Variants in DHX57 observed in about 807,000 individuals in gnomAD.
DHX57 encodes the protein DExH-box helicase 57, also known as putative ATP-dependent RNA helicase DHX57.
DHX57 carries 105 observed loss-of-function variants against 156.2 expected under a neutral mutation model. The observed-to-expected ratio is 0.67, with a 90% CI of 0.57 to 0.79. The LOEUF is 0.79. DHX57 is among the 30% of genes least tolerant of loss of function. DHX57 has a pLI of 0.00. For missense variants in DHX57, 1,847 were observed against 1,661.9 expected, an observed-to-expected ratio of 1.11 and a Z score of -1.94; for synonymous variants, 704 against 595.6, an observed-to-expected ratio of 1.18 and a Z score of -2.65.
chr2:38,858,763 G>C lies in DHX57; in HGVS notation c.1485C>G (p.Ser495Arg). ...GPAPVIVENE[S>R]YVNLKKKISK... Reference sequence around the variant, plus strand: ...AAATCTTTTTCTTAAGGTTCACATAGCTTTCATTCTCTACTATAACAGGTG... The same window carrying C: ...AAATCTTTTTCTTAAGGTTCACATACCTTTCATTCTCTACTATAACAGGTG... Residue 495 changes from serine to arginine, a missense_variant, in exon 6 of 24, where the codon AGC becomes AGG. Ser to Arg is a moderately radical substitution (Grantham distance 110, BLOSUM62 -1). Coordinates refer to ENST00000457308, the MANE Select transcript of DHX57 (RefSeq NM_198963.3). The C allele has an allele frequency of 6.2e-7, 1 of 1,614,078 alleles. No individual in the cohort carries two copies. The highest frequency in any genetic ancestry group is 8.5e-7 in the Non-Finnish European group (1 of 1,180,008).
At chr2:38,806,374 C>A in intron 22 of DHX57, 185 bp downstream of exon 22, 1 of 616,950 alleles carries the variant, frequency 1.6e-6, no homozygotes, top group Non-Finnish European at 2.5e-6. Context: ...GAATTTTCTT[C>A]AAATGGAAAT....
chr2:38,842,750 T>C (rs1409620939), intron 12 of DHX57, among the ~76,000 whole-genome samples: 1 of 152,192 alleles, frequency 6.6e-6, no homozygotes, highest in Non-Finnish European at 1.5e-5. Flanking sequence ...AACTTATATT[T>C]TACTACCTCA....
chr2:38,844,836 T>C (rs1672184409), intron 11 of DHX57, among the ~76,000 whole-genome samples: 1 of 152,128 alleles, frequency 6.6e-6, no homozygotes, highest in African/African-American at 2.4e-5. Context: ...CTGAGAGTGC[T>C]AAGGTTTTAT....
intron 2 of DHX57, 26 bp from the exon 3 acceptor site, chr2:38,863,545 A>G (rs371716474): frequency 2.5e-6 from 4 of 1,603,000 alleles, no homozygotes; most frequent in Non-Finnish European, 3.4e-6. Context: ...GAGCAAAATT[A>G]CACACATATC....
chr2:38,825,739 G>C, intron 16 of DHX57, 108 bp downstream of exon 16: 1 of 1,093,110 alleles, frequency 9.1e-7, no homozygotes, highest in South Asian at 1.4e-5. Flanking sequence ...ATTATTGGTG[G>C]TCATTCTTAG....
chr2:38,831,769 A>G (rs1671394211), intron 13 of DHX57, among the ~76,000 whole-genome samples: 1 of 151,572 alleles, frequency 6.6e-6, no homozygotes. Context: ...AGGCAGGAGA[A>G]TCACTTGAAC....
At chr2:38,826,841 A>T in intron 14 of DHX57, 152 bp from the exon 15 acceptor site, 1 of 879,818 alleles carries the variant, frequency 1.1e-6, no homozygotes, top group Non-Finnish European at 1.7e-6. Context: ...TCTACATAGT[A>T]AAGTCTTGGC....
Position 38,798,185 on chromosome 2 carries a change from G to T in DHX57, c.*114C>A. 7.1e-7 allele frequency: 1 copy of T among 1,409,716 alleles called. No individual in the cohort carries two copies. The highest frequency in any genetic ancestry group is 9.6e-7 in the Non-Finnish European group (1 of 1,043,912). The allele number at this position is 1,409,716 out of a possible 1,614,324, so 87.3% of individuals were successfully genotyped here. On this transcript the variant is annotated 3_prime_UTR_variant, in exon 24 of 24. Transcript: ENST00000457308. ...AGCTGCCTTGGGCTTCATGCCCTGGGCTCCTCCACCAGGGCCAGCCCCAAT... is the reference window on the plus strand; with the variant it reads ...AGCTGCCTTGGGCTTCATGCCCTGGTCTCCTCCACCAGGGCCAGCCCCAAT...
rs745470225 is a variant in DHX57, at chr2:38,798,340, G to C, written c.4120C>G (p.Arg1374Gly). 2.5e-6 allele frequency: 4 copies of C among 1,613,800 alleles called. No homozygotes were observed. Among genetic ancestry groups the C allele is most frequent in the Non-Finnish European group, 3.4e-6 (4 of 1,179,928 alleles). ...AGTTTCACAATTGTGCTGATGATCC[G>C]GGATCCTCGAGGACACGTACACAGA... ...IDLCTCPRGSRIISTIVKLVT... is the reference protein window; with the variant it reads ...IDLCTCPRGSGIISTIVKLVT... The change falls in exon 24 of 24, where the codon CGG (arginine) becomes GGG (glycine). Residue 1374 changes from arginine (R) to glycine (G), a missense_variant. Arg to Gly is a moderately radical substitution (Grantham distance 125, BLOSUM62 -2). Coordinates refer to ENST00000457308, the MANE Select transcript of DHX57 (RefSeq NM_198963.3).
chr2:38,831,351 C>T (rs1671370185), intron 13 of DHX57, among the ~76,000 whole-genome samples: 1 of 146,528 alleles, frequency 6.8e-6, no homozygotes, highest in Non-Finnish European at 1.5e-5. Context: ...GACGAAGTCT[C>T]GCTCTTGTCC....
At chr2:38,854,392 A>C in intron 8 of DHX57, 1 of 380,840 alleles carries the variant, frequency 2.6e-6, no homozygotes, top group South Asian at 3.7e-5. Context: ...CATAAAAAGC[A>C]TTAAAAAACA....
intron 22 of DHX57, chr2:38,803,134 A>G: frequency 3.7e-6 from 2 of 547,272 alleles, no homozygotes; most frequent in Non-Finnish European, 6.4e-6. Context: ...AAAAAAAAAA[A>G]AGCTTTTATT....
intron 5 of DHX57, 120 bp from the exon 6 acceptor site, chr2:38,858,956 G>A: frequency 1.0e-6 from 1 of 970,014 alleles, no homozygotes; most frequent in Non-Finnish European, 1.5e-6. Context: ...GTGAAAACTT[G>A]AATAAAGTAA....
At chr2:38,822,852 T>C (rs1670893768) in intron 17 of DHX57, 141 bp downstream of exon 17, 2 of 821,488 alleles carry the variant, frequency 2.4e-6, no homozygotes, top group Non-Finnish European at 3.7e-6. Flanking sequence ...CTCCCTCCCA[T>C]GCAGATGTGC....
chr2:38,802,699 C>T lies in DHX57; in HGVS notation c.4017+16G>A. 4 of 1,613,576 alleles carry T rather than the reference C, an allele frequency of 2.5e-6. No individual in the cohort carries two copies. The highest frequency in any genetic ancestry group is 2.5e-6 in the Non-Finnish European group (3 of 1,179,940). On this transcript the variant is annotated intron_variant, in intron 23 of 23. Transcript: ENST00000457308. ...CATGGCCTGAGCCTCATAAAACAGA[C>T]CAATTCTGCCTTTACCTGATGGGAA...
rs546518688 is a variant in DHX57 at position 38,823,374 on chromosome 2, A to G, written c.3015-105T>C. ...ATAATAATTTACAAGTTTAAATAAA[A>G]AATTTTAAAATCTCATGTTTTCTAC... On this transcript the variant is annotated intron_variant, in intron 16 of 23. Coordinates refer to ENST00000457308, the MANE Select transcript of DHX57 (RefSeq NM_198963.3). The G allele has an allele frequency of 1.3e-4, 159 of 1,194,550 alleles. No individual in the cohort carries two copies. In the South Asian group the frequency reaches 2.6e-3, roughly 20 times the overall value. The allele number at this position is 1,194,550 out of a possible 1,614,324, so 74.0% of individuals were successfully genotyped here.
chr2:38,873,145 GCT>G (rs1662689414), intron 1 of DHX57, among the ~76,000 whole-genome samples: 1 of 152,022 alleles, frequency 6.6e-6, no homozygotes, highest in Non-Finnish European at 1.5e-5. Flanking sequence ...CCGCCACCAT[GCT>G]CCCTGACTAA....
intron 21 of DHX57, chr2:38,810,838 C>T (rs114274619): frequency 0.01 from 7,725 of 740,704 alleles, 64 homozygotes; most frequent in Non-Finnish European, 0.015. Context: ...CTTGCAGATA[C>T]CTCAGGACTT....
In DHX57 at chr2:38,855,064, C is replaced by A; in HGVS notation, c.1898G>T (p.Ser633Ile). 1 of 1,614,160 alleles carries A rather than the reference C, an allele frequency of 6.2e-7. No homozygotes were observed. Among genetic ancestry groups the A allele is most frequent in the Non-Finnish European group, 8.5e-7 (1 of 1,180,034 alleles). The part of the protein sequence containing the change: ...LTVGYQIRLE[S>I]VKSSATRLLY... ...TAAGCAGAGCATACAAACCTTGACA[C>A]TTTCTAACCGAATCTGGTATCCCAC... Residue 633 changes from serine to isoleucine, a missense_variant, in exon 8 of 24, where the codon AGT becomes ATT. Coordinates refer to ENST00000457308, the MANE Select transcript of DHX57 (RefSeq NM_198963.3).
Sources: allele counts gnomAD v4.1 joint callset (sites outside exome capture counted in the v4.1 genomes callset), GRCh38; gene constraint gnomAD v4.1.1; transcripts MANE v1.5; gene names NCBI Gene and HGNC (gene_info 2026-07-23, HGNC 2026-07-21).